NXNL2: variants seen among roughly 807,000 people sequenced by gnomAD.
NXNL2 encodes nucleoredoxin-like protein 2.
In NXNL2, 7 loss-of-function variants were observed where a neutral mutation model predicts 11.1. The observed-to-expected ratio is 0.63, with a 90% CI of 0.36 to 1.18. NXNL2 has a LOEUF of 1.18. NXNL2 is among the 50% of genes most tolerant of loss of function. The probability of loss-of-function intolerance (pLI) is 0.02; values close to 1 mark genes in which losing one functional copy is unlikely to be tolerated. For missense variants in NXNL2, 233 were observed against 217.7 expected (o/e 1.07, Z -0.44); for synonymous variants, 109 against 101.8 (o/e 1.07, Z -0.42).
chr9:88,561,264 C>T (rs1001604873), intron 1 of NXNL2, among the ~76,000 whole-genome samples: 1 of 152,158 alleles, frequency 6.6e-6, no homozygotes. Flanking sequence ...TGGATTCTTC[C>T]TGCCCTCAAA....
At position 88,563,356 on chromosome 9, in the gene NXNL2, A is replaced by T. The variant is rs370622518; in HGVS notation, c.303-7731A>T. On this transcript the variant is annotated intron_variant, in intron 1 of 2. Coordinates refer to the NXNL2 transcript ENST00000375855. ...GTTGCTGATTACTTTATATTCATACATTAGTTCTTCTCCTGACTTCCCATA... is the reference window on the plus strand; with the variant it reads ...GTTGCTGATTACTTTATATTCATACTTTAGTTCTTCTCCTGACTTCCCATA... 5.5e-4 allele frequency among the ~76,000 whole-genome samples: 84 copies of T among 152,280 alleles called. 1 individual carries two copies. The South Asian group carries it at 0.016, about 30-fold the overall frequency.
chr9:88,546,148 CGTGT>C (rs747134247), downstream of NXNL2, among the ~76,000 whole-genome samples: 536 of 147,456 alleles, frequency 3.6e-3, 1 homozygote, highest in South Asian at 0.014. Context: ...ACTGAGTGTT[CGTGT>C]GTGTGTGTGT....
At chr9:88,568,988 A>C (rs1830220214) in intron 1 of NXNL2, among the ~76,000 whole-genome samples, 1 of 152,018 alleles carries the variant, frequency 6.6e-6, no homozygotes, top group Non-Finnish European at 1.5e-5. Flanking sequence ...GTACAGTGGC[A>C]CAATCATGGC....
chr9:88,545,160 T>C (rs1829830712), downstream of NXNL2, among the ~76,000 whole-genome samples: 1 of 152,232 alleles, frequency 6.6e-6, no homozygotes, highest in African/African-American at 2.4e-5. Context: ...AGTATTACAA[T>C]ATCCTAGAAA....
Position 88,544,938 on chromosome 9 carries a change from A to G in NXNL2, c.*391A>G, listed in dbSNP as rs764695974. ...TTTATTTTAATGGTATGCTTTCACA[A>G]CTATCTTAATAAAGTTTGCAAGCTG... On this transcript the variant is annotated 3_prime_UTR_variant, in exon 2 of 2. Transcript: ENST00000375854. 4.7e-5 allele frequency: 46 copies of G among 973,220 alleles called. No homozygotes were observed. Among genetic ancestry groups the G allele is most frequent in the Non-Finnish European group, 5.6e-5 (46 of 817,852 alleles). 60.3% of individuals were successfully genotyped at this position (973,220 alleles called of 1,614,324 possible).
At chr9:88,571,552 C>T (rs967016405) in intron 2 of NXNL2, among the ~76,000 whole-genome samples, 1 of 152,342 alleles carries the variant, frequency 6.6e-6, no homozygotes, top group Non-Finnish European at 1.5e-5. Flanking sequence ...CTCTTTCTCT[C>T]CTACCACAAT....
At chr9:88,548,339 CAAAAAAAAAAAAAAAAA>C (rs60796870), downstream of NXNL2, among the ~76,000 whole-genome samples, 146 of 31,054 alleles carry the variant, frequency 4.7e-3, 2 homozygotes, top group East Asian at 0.086. Context: ...GACTTTTTCT[CAAAAAAAAAAAAAAAAA>C]AAAAAAAAAA....
At chr9:88,557,086 A>G (rs1292138520) in intron 1 of NXNL2, among the ~76,000 whole-genome samples, 2 of 144,678 alleles carry the variant, frequency 1.4e-5, no homozygotes, top group Non-Finnish European at 3.0e-5. Context: ...ATCTCAAAAA[A>G]AAAAAAAAAA....
At chr9:88,546,062 C>A (rs958696668), downstream of NXNL2, among the ~76,000 whole-genome samples, 5 of 152,026 alleles carry the variant, frequency 3.3e-5, 1 homozygote, top group Admixed American at 3.3e-4. Flanking sequence ...CCACCGTGCC[C>A]GGCCTAATTA....
chr9:88,563,415 G>A (rs1830114600), intron 1 of NXNL2, among the ~76,000 whole-genome samples: 1 of 152,180 alleles, frequency 6.6e-6, no homozygotes, highest in Non-Finnish European at 1.5e-5. Flanking sequence ...CATCTCCAGT[G>A]CCTGCTGTTC....
intron 1 of NXNL2, among the ~76,000 whole-genome samples, chr9:88,552,670 C>A (rs563539562): frequency 6.6e-6 from 1 of 152,002 alleles, no homozygotes; most frequent in Non-Finnish European, 1.5e-5. Context: ...GGGATTTCAC[C>A]GTGTTAGCCA....
In NXNL2 at chr9:88,551,181, TTG is replaced by T. The variant is rs1047727215; in HGVS notation, c.302+15446_302+15447del. Among the ~76,000 whole-genome samples the T allele has an allele frequency of 2.8e-4, 43 of 152,224 alleles. 1 individual carries two copies. Among genetic ancestry groups the T allele is most frequent in the Admixed American group, 2.7e-3 (41 of 15,280 alleles). On this transcript the variant is annotated intron_variant, in intron 1 of 2. Transcript: ENST00000375855. ...TTTTCACCGTAGGGCCTGTTGGCTCTTGGGAGCTGTTCAGTCTGGAAACACAC... is the reference window on the plus strand; with the variant it reads ...TTTTCACCGTAGGGCCTGTTGGCTCTGGAGCTGTTCAGTCTGGAAACACAC...
At chr9:88,548,292 T>A (rs1173692622), downstream of NXNL2, among the ~76,000 whole-genome samples, 1 of 117,934 alleles carries the variant, frequency 8.5e-6, no homozygotes, top group Non-Finnish European at 1.6e-5. Context: ...TGTGCCAAGA[T>A]CACACTATTG....
At chr9:88,575,705 C>T (rs12378441) in exon 3 of NXNL2, 2 of 152,126 alleles carry the variant, frequency 1.3e-5, no homozygotes. Flanking sequence ...AACAGTGTGA[C>T]TACTGTCAAT....
intron 1 of NXNL2, among the ~76,000 whole-genome samples, chr9:88,542,466 T>C (rs1043716051): frequency 4.0e-5 from 6 of 151,636 alleles, no homozygotes; most frequent in Non-Finnish European, 5.9e-5. Context: ...TTTTTTGTAT[T>C]TTTAGCAGAG....
At chr9:88,569,184 G>A (rs1377238234) in intron 1 of NXNL2, among the ~76,000 whole-genome samples, 10 of 152,144 alleles carry the variant, frequency 6.6e-5, no homozygotes, top group African/African-American at 2.2e-4. Flanking sequence ...TCCTGCCTTG[G>A]CCTCCCAAAA....
Position 88,535,414 on chromosome 9 carries a change from A to T in NXNL2, c.-21A>T. On this transcript the variant is annotated 5_prime_UTR_variant, in exon 1 of 2. Coordinates refer to ENST00000375854, the MANE Select transcript of NXNL2 (RefSeq NM_001161625.2). ...CCTCCTGCAGGTGTCCTCGGGTCTC[A>T]GGTGGCTGCGTGTCTGCGCCATGGT... is the stretch of plus-strand genomic sequence containing the variant. 6.4e-7 allele frequency: 1 copy of T among 1,573,400 alleles called. No individual in the cohort carries two copies. The highest frequency in any genetic ancestry group is 1.8e-4 in the Middle Eastern group (1 of 5,694).
intron 1 of NXNL2, among the ~76,000 whole-genome samples, chr9:88,552,473 G>GGTTTTTTTTTTTTTT (rs796387920): frequency 4.6e-5 from 6 of 131,564 alleles, no homozygotes; most frequent in African/African-American, 1.7e-4. Flanking sequence ...AAACATGCAT[G>GGTTTTTTTTTTTTTT]TTTTTTTTTT....
rs543982637 is a variant in NXNL2 at position 88,536,354 on chromosome 9, A to G, written c.302+618A>G. 6.6e-4 allele frequency among the ~76,000 whole-genome samples: 101 copies of G among 152,292 alleles called. No homozygotes were observed. In the Middle Eastern group the frequency reaches 0.014, roughly 21 times the overall value. On this transcript the variant is annotated intron_variant, in intron 1 of 1. Transcript: ENST00000375854. The stretch of plus-strand genomic sequence containing the variant: ...TTACCGACACTGATGGAATTTCATC[A>G]CTAGAGAAGCATAAAACTCATTACT...
Sources: allele counts gnomAD v4.1 joint callset (sites outside exome capture counted in the v4.1 genomes callset), GRCh38; gene constraint gnomAD v4.1.1; transcripts MANE v1.5; gene names NCBI Gene and HGNC (gene_info 2026-07-23, HGNC 2026-07-21).